Variants in ARSB observed in about 807,000 individuals in gnomAD.
The protein encoded by ARSB is N-acetylgalactosamine-4-sulfatase.
A neutral mutation model predicts 50.9 loss-of-function variants in ARSB; 41 were observed. The ratio of observed to expected loss-of-function variants is 0.81; its 90% CI spans 0.63 to 1.04. ARSB has a LOEUF of 1.04. ARSB is among the 50% of genes least tolerant of loss of function. The pLI is 0.00. For missense variants in ARSB, 672 were observed against 693.3 expected, an observed-to-expected ratio of 0.97 and a Z score of 0.35; for synonymous variants, 269 against 284.8, an observed-to-expected ratio of 0.94 and a Z score of 0.56.
chr5:78,850,964 G>A (rs1298092566), intron 5 of ARSB, among the ~76,000 whole-genome samples: 1 of 151,992 alleles, frequency 6.6e-6, no homozygotes, highest in Non-Finnish European at 1.5e-5. Context: ...TTCTTTGTTA[G>A]TCTTGCTAGC....
intron 6 of ARSB, among the ~76,000 whole-genome samples, chr5:78,799,749 C>T (rs1049180162): frequency 1.3e-5 from 2 of 152,178 alleles, no homozygotes; most frequent in Admixed American, 1.3e-4. Flanking sequence ...TGGTACCCTA[C>T]AAAGGTGTAG....
chr5:78,833,232 C>A (rs1744774975), intron 6 of ARSB, among the ~76,000 whole-genome samples: 1 of 152,152 alleles, frequency 6.6e-6, no homozygotes, highest in Non-Finnish European at 1.5e-5. Context: ...CTGTTCCCCA[C>A]CACTTTAGAG....
In ARSB at chr5:78,837,839, A is replaced by G. The variant is rs78145353; in HGVS notation, c.1213+1517T>C. Among the ~76,000 whole-genome samples the G allele has an allele frequency of 6.1e-3, 934 of 152,274 alleles. 10 individuals are homozygous for G. The highest frequency in any genetic ancestry group is 9.2e-3 in the Non-Finnish European group (625 of 68,022). ...CTACTATACTGGACAGCACAAATCT[A>G]GACTGTTCTTACAGTCCTTAGGGCT... is the stretch of plus-strand genomic sequence containing the variant. On this transcript the variant is annotated intron_variant, in intron 6 of 7. Coordinates refer to ENST00000264914, the MANE Select transcript of ARSB (RefSeq NM_000046.5).
intron 6 of ARSB, among the ~76,000 whole-genome samples, chr5:78,826,481 G>T (rs1401106779): frequency 1.3e-5 from 2 of 152,196 alleles, no homozygotes; most frequent in Non-Finnish European, 2.9e-5. Flanking sequence ...TTTTAATGGA[G>T]ACAGGAGGAT....
intron 4 of ARSB, among the ~76,000 whole-genome samples, chr5:78,917,733 G>T (rs531502866): frequency 1.3e-5 from 2 of 152,104 alleles, no homozygotes; most frequent in African/African-American, 4.8e-5. Flanking sequence ...GGCTGGTCTC[G>T]AATTCCTAAC....
chr5:78,906,671 G>A (rs7710146), intron 4 of ARSB, among the ~76,000 whole-genome samples: 2,499 of 152,164 alleles, frequency 0.016, 73 homozygotes, highest in African/African-American at 0.058. Flanking sequence ...TGCAGTTTTC[G>A]AAAACCTCAA....
intron 4 of ARSB, among the ~76,000 whole-genome samples, chr5:78,913,314 C>T (rs1036185751): frequency 1.3e-5 from 2 of 151,948 alleles, no homozygotes; most frequent in South Asian, 4.2e-4. Flanking sequence ...TTAGTAGAGA[C>T]GGGGTTTCAC....
intron 5 of ARSB, among the ~76,000 whole-genome samples, chr5:78,868,786 T>G (rs1273466747): frequency 7.1e-6 from 1 of 140,116 alleles, no homozygotes; most frequent in Non-Finnish European, 1.5e-5. Flanking sequence ...AACATCATAA[T>G]GACAGGATCA....
At chr5:78,887,084 A>T (rs1402542356) in intron 4 of ARSB, among the ~76,000 whole-genome samples, 1 of 152,212 alleles carries the variant, frequency 6.6e-6, no homozygotes, top group Non-Finnish European at 1.5e-5. Context: ...GGAAATAACA[A>T]TCACTAATTG....
intron 5 of ARSB, among the ~76,000 whole-genome samples, chr5:78,856,189 T>A (rs1295089045): frequency 6.6e-6 from 1 of 152,154 alleles, no homozygotes; most frequent in Non-Finnish European, 1.5e-5. Flanking sequence ...GGCACCCTTG[T>A]CAAAAATGCA....
intron 2 of ARSB, among the ~76,000 whole-genome samples, chr5:78,967,370 G>A (rs11748914): frequency 0.23 from 35,000 of 151,850 alleles, 4,272 homozygotes; most frequent in Admixed American, 0.3. Flanking sequence ...CTCCCTCTTC[G>A]GACAAATAAA....
intron 4 of ARSB, among the ~76,000 whole-genome samples, chr5:78,895,953 G>A (rs1748541548): frequency 6.6e-6 from 1 of 152,206 alleles, no homozygotes; most frequent in Non-Finnish European, 1.5e-5. Flanking sequence ...AAGAAATAAT[G>A]GACGGAGGGA....
At chr5:78,969,556 T>A (rs141246743) in intron 1 of ARSB, among the ~76,000 whole-genome samples, 1 of 152,230 alleles carries the variant, frequency 6.6e-6, no homozygotes, top group Admixed American at 6.5e-5. Flanking sequence ...GAAGTTGGTG[T>A]TTGATTAGAA....
chr5:78,836,500 G>A (rs1744960733), intron 6 of ARSB, among the ~76,000 whole-genome samples: 1 of 152,182 alleles, frequency 6.6e-6, no homozygotes, highest in Non-Finnish European at 1.5e-5. Context: ...CGGCAGTACT[G>A]GGTCTTATAA....
At chr5:78,787,091 C>CTATCTATCT (rs1554070200) in intron 6 of ARSB, among the ~76,000 whole-genome samples, 3 of 127,954 alleles carry the variant, frequency 2.3e-5, no homozygotes, top group African/African-American at 8.6e-5. Context: ...AATCGATAAC[C>CTATCTATCT]ATCTATCTAT....
At chr5:78,946,601 T>G (rs1751245932) in intron 4 of ARSB, among the ~76,000 whole-genome samples, 1 of 152,076 alleles carries the variant, frequency 6.6e-6, no homozygotes, top group Non-Finnish European at 1.5e-5. Context: ...CAATGAAAAC[T>G]ATAAAACATT....
At chr5:78,905,650 C>A (rs1012974872) in intron 4 of ARSB, among the ~76,000 whole-genome samples, 53 of 151,998 alleles carry the variant, frequency 3.5e-4, no homozygotes, top group Non-Finnish European at 6.8e-4. Flanking sequence ...GTTTTCGAAG[C>A]CTCTGCTTTG....
At chr5:78,922,223 G>A (rs372535483) in intron 4 of ARSB, among the ~76,000 whole-genome samples, 133 of 151,474 alleles carry the variant, frequency 8.8e-4, no homozygotes, top group East Asian at 1.6e-3. Context: ...GAGGGGGCAC[G>A]TGACCTACTG....
chr5:78,863,077 G>C (rs551117385), intron 5 of ARSB, among the ~76,000 whole-genome samples: 1 of 152,212 alleles, frequency 6.6e-6, no homozygotes, highest in Non-Finnish European at 1.5e-5. Context: ...ACATTAGTTA[G>C]AATGGCGATC....
Sources: allele counts gnomAD v4.1 joint callset (sites outside exome capture counted in the v4.1 genomes callset), GRCh38; gene constraint gnomAD v4.1.1; transcripts MANE v1.5; gene names NCBI Gene and HGNC (gene_info 2026-07-23, HGNC 2026-07-21).